Variants in AGBL1 observed in about 807,000 individuals in gnomAD.
AGBL1 encodes AGBL carboxypeptidase 1, also known as cytosolic carboxypeptidase 4.
In AGBL1, 130 loss-of-function variants were observed where a neutral mutation model predicts 118.9. The ratio of observed to expected loss-of-function variants is 1.09; its 90% CI spans 0.95 to 1.26. The LOEUF (loss-of-function observed/expected upper bound fraction) is 1.26. Among genes scored for constraint, AGBL1 ranks in the 50% most tolerant of loss-of-function variants. The probability of loss-of-function intolerance (pLI) is 0.00; values close to 1 mark genes in which losing one functional copy is unlikely to be tolerated. For synonymous variants in AGBL1, 555 were observed against 478.9 expected (o/e 1.16, Z -2.08); for missense variants, 1,584 against 1,298.1 (o/e 1.22, Z -3.38).
At chr15:86,782,614 T>A (rs925096572) in intron 22 of AGBL1, among the ~76,000 whole-genome samples, 9 of 152,208 alleles carry the variant, frequency 5.9e-5, no homozygotes, top group African/African-American at 2.2e-4. Context: ...GATAATACTC[T>A]AACAATTGCA....
intron 22 of AGBL1, among the ~76,000 whole-genome samples, chr15:86,839,751 G>C (rs753995242): frequency 5.9e-5 from 9 of 152,146 alleles, no homozygotes; most frequent in Non-Finnish European, 8.8e-5. Flanking sequence ...GGATAGATAG[G>C]TGAAAAGAAG....
At chr15:86,572,309 C>G (rs553729030) in intron 21 of AGBL1, among the ~76,000 whole-genome samples, 1 of 152,334 alleles carries the variant, frequency 6.6e-6, no homozygotes, top group South Asian at 2.1e-4. Flanking sequence ...GCGAGGCTCT[C>G]ACTTGTCCCT....
intron 21 of AGBL1, chr15:86,630,916 C>G (rs1040339953): frequency 5.6e-5 from 9 of 159,470 alleles, no homozygotes; most frequent in African/African-American, 2.2e-4. Flanking sequence ...AGGTGTGGAG[C>G]AACGTGCTAT....
At chr15:86,401,873 G>A (rs546196400) in intron 18 of AGBL1, among the ~76,000 whole-genome samples, 5 of 152,104 alleles carry the variant, frequency 3.3e-5, no homozygotes, top group East Asian at 3.9e-4. Flanking sequence ...AATTGAAGTC[G>A]GGTAATGTGA....
At chr15:87,030,350 TAAG>T (rs1426833806), downstream of AGBL1, among the ~76,000 whole-genome samples, 1 of 152,022 alleles carries the variant, frequency 6.6e-6, no homozygotes, top group Non-Finnish European at 1.5e-5. Context: ...CCAATCGTTT[TAAG>T]AACCAAATTC....
chr15:86,306,069 A>G (rs945557534), intron 17 of AGBL1, among the ~76,000 whole-genome samples: 13 of 152,068 alleles, frequency 8.5e-5, no homozygotes, highest in African/African-American at 3.1e-4. Flanking sequence ...TACGGTGCAC[A>G]TGAAATGTTT....
chr15:86,320,486 A>T (rs1043407712), intron 17 of AGBL1, among the ~76,000 whole-genome samples: 11 of 152,226 alleles, frequency 7.2e-5, no homozygotes, highest in Middle Eastern at 6.8e-3. Flanking sequence ...TACTTTTAAA[A>T]TTTAAATAAT....
At chr15:86,101,588 T>C (rs548535507) in intron 1 of AGBL1, among the ~76,000 whole-genome samples, 8 of 152,124 alleles carry the variant, frequency 5.3e-5, no homozygotes, top group Non-Finnish European at 8.8e-5. Flanking sequence ...TGTTATGTCC[T>C]CTTGTTCAAC....
chr15:86,423,739 A>G (rs182139217), intron 18 of AGBL1, among the ~76,000 whole-genome samples: 2 of 152,182 alleles, frequency 1.3e-5, no homozygotes, highest in African/African-American at 4.8e-5. Flanking sequence ...CTATACACCA[A>G]TAACAGACAG....
chr15:86,276,913 A>T (rs936905426), intron 15 of AGBL1, among the ~76,000 whole-genome samples: 6 of 152,292 alleles, frequency 3.9e-5, no homozygotes, highest in Admixed American at 1.3e-4. Flanking sequence ...TTAGAGATTT[A>T]TCAAACATTT....
Position 86,860,519 on chromosome 15 carries a change from A to G in AGBL1, c.3159-46568A>G, listed in dbSNP as rs147279717. Among the ~76,000 whole-genome samples, 700 of 152,206 alleles carry G rather than the reference A, an allele frequency of 4.6e-3. 4 individuals are homozygous for G. Among genetic ancestry groups the G allele is most frequent in the African/African-American group, 0.016 (652 of 41,544 alleles). On this transcript the variant is annotated intron_variant, in intron 22 of 22. Transcript: ENST00000614907. ...GAGAAAGAGTTAACTGCAGTCATAA[A>G]GCACAGAGGCTGTTCATTAGAGCCT...
chr15:86,841,201 T>A (rs1335367088), intron 22 of AGBL1, among the ~76,000 whole-genome samples: 1 of 152,142 alleles, frequency 6.6e-6, no homozygotes, highest in Non-Finnish European at 1.5e-5. Flanking sequence ...AGATGGCAGT[T>A]GACCAAACAG....
chr15:86,391,652 T>G (rs1354526937), intron 17 of AGBL1, among the ~76,000 whole-genome samples: 3 of 143,542 alleles, frequency 2.1e-5, no homozygotes, highest in Admixed American at 1.4e-4. Flanking sequence ...TTTTTTTTTT[T>G]TTTTTTTTTT....
intron 22 of AGBL1, among the ~76,000 whole-genome samples, chr15:86,879,992 G>T (rs1279101147): frequency 3.3e-5 from 5 of 152,178 alleles, no homozygotes; most frequent in African/African-American, 4.8e-5. Context: ...GCTTAAAAAG[G>T]AAAGAGAAGC....
intron 23 of AGBL1, among the ~76,000 whole-genome samples, chr15:86,931,847 A>G (rs1347234797): frequency 6.6e-6 from 1 of 152,150 alleles, no homozygotes; most frequent in Non-Finnish European, 1.5e-5. Flanking sequence ...GAAATGTACA[A>G]TTTGCAGAAT....
At chr15:87,023,092 C>T (rs972392891) in intron 24 of AGBL1, among the ~76,000 whole-genome samples, 1 of 151,914 alleles carries the variant, frequency 6.6e-6, no homozygotes, top group African/African-American at 2.4e-5. Flanking sequence ...GGTACACAGG[C>T]AACAAATAGC....
intron 22 of AGBL1, among the ~76,000 whole-genome samples, chr15:86,859,632 A>G (rs555236138): frequency 1.3e-5 from 2 of 152,286 alleles, no homozygotes; most frequent in South Asian, 4.1e-4. Context: ...AAGGGTGCCG[A>G]GAACACACGG....
chr15:86,810,317 G>A (rs368265973), intron 22 of AGBL1, among the ~76,000 whole-genome samples: 1 of 152,026 alleles, frequency 6.6e-6, no homozygotes. Flanking sequence ...TAGCTACAAC[G>A]TGACCAAATA....
Position 86,123,983 on chromosome 15 carries a change from C to T in AGBL1, c.52-18021C>T, listed in dbSNP as rs377579841. Among the ~76,000 whole-genome samples the T allele has an allele frequency of 1.8e-4, 28 of 152,200 alleles. 1 individual carries two copies. In the East Asian group the frequency reaches 2.3e-3, roughly 13 times the overall value. ...AACTGGGTGGGATATTGGAATGGAA[C>T]GAGGACATTAGTGAACCTGGTGAAA... On this transcript the variant is annotated intron_variant, in intron 1 of 22. Transcript: ENST00000614907.
Sources: gnomAD v4.1 joint callset for allele counts (sites outside exome capture counted in the v4.1 genomes callset) on GRCh38, gnomAD v4.1.1 for gene constraint, MANE v1.5 for transcripts, NCBI Gene and HGNC (gene_info 2026-07-23, HGNC 2026-07-21) for gene names.